DMRT1: variants seen among roughly 807,000 people sequenced by gnomAD.
DMRT1 encodes doublesex and mab-3 related transcription factor 1, also known as doublesex- and mab-3-related transcription factor 1.
In DMRT1, 7 loss-of-function variants were observed where a neutral mutation model predicts 32.3. The observed-to-expected ratio is 0.22, with a 90% confidence interval of 0.12 to 0.41. The LOEUF is 0.41. Ranked by LOEUF, DMRT1 falls within the 10% of genes least tolerant of loss-of-function variation. DMRT1 has a pLI of 1.00. For synonymous variants in DMRT1, 278 were observed against 206.1 expected (o/e 1.35, Z -2.99); for missense variants, 625 against 500.5 (o/e 1.25, Z -2.37).
chr9:887,134 T>C (rs959922791), intron 2 of DMRT1, among the ~76,000 whole-genome samples: 1 of 152,148 alleles, frequency 6.6e-6, no homozygotes, highest in African/African-American at 2.4e-5. Context: ...GAGGTTGCAG[T>C]GAGCCGAGAT....
intron 4 of DMRT1, among the ~76,000 whole-genome samples, chr9:958,368 G>A (rs1032968544): frequency 6.6e-6 from 1 of 152,140 alleles, no homozygotes; most frequent in Non-Finnish European, 1.5e-5. Flanking sequence ...CAAAGTGTCA[G>A]AATATTTTTA....
intron 2 of DMRT1, among the ~76,000 whole-genome samples, chr9:862,328 C>A (rs1255270355): frequency 6.6e-6 from 1 of 152,140 alleles, no homozygotes; most frequent in African/African-American, 2.4e-5. Context: ...GGCGAAACCC[C>A]GTCTCCACCG....
chr9:944,723 A>C (rs1819185738), intron 4 of DMRT1, among the ~76,000 whole-genome samples: 1 of 152,156 alleles, frequency 6.6e-6, no homozygotes, highest in Non-Finnish European at 1.5e-5. Flanking sequence ...GAAGTGCTTT[A>C]AGTTGTGTTT....
At chr9:964,156 G>T (rs931803376) in intron 4 of DMRT1, among the ~76,000 whole-genome samples, 4 of 151,894 alleles carry the variant, frequency 2.6e-5, no homozygotes, top group Admixed American at 1.3e-4. Flanking sequence ...AAAGTCAGGG[G>T]TCTTTGCAAT....
chr9:950,776 T>C (rs1459212188), intron 4 of DMRT1, among the ~76,000 whole-genome samples: 2 of 152,182 alleles, frequency 1.3e-5, no homozygotes, highest in Admixed American at 1.3e-4. Flanking sequence ...ATCTCACTCC[T>C]GCAGTTCAAG....
chr9:968,079 T>C lies in DMRT1; in HGVS notation c.1062T>C (p.Cys354=). 1 of 1,614,178 alleles carries C rather than the reference T, an allele frequency of 6.2e-7. No individual in the cohort carries two copies. The highest frequency in any genetic ancestry group is 1.1e-5 in the South Asian group (1 of 91,082). The part of the protein sequence containing the change: ...SNKSTKAVLE[C]EPASEPSSFT... ...AGAGCACAAAGGCAGTGCTTGAATG[T>C]GAGCCTGCGTCGGAGCCCAGCAGCT... Residue 354 remains cysteine (C), a synonymous_variant, in exon 5 of 5, where the codon TGT becomes TGC. Transcript: ENST00000382276.
chr9:894,819 TG>T (rs1817292284), intron 3 of DMRT1: 1 of 160,626 alleles, frequency 6.2e-6, no homozygotes, highest in South Asian at 1.8e-4. Flanking sequence ...TTGTTTGTTT[TG>T]GTTTGGTTTT....
intron 2 of DMRT1, among the ~76,000 whole-genome samples, chr9:849,122 A>C (rs1169325116): frequency 6.6e-6 from 1 of 151,858 alleles, no homozygotes; most frequent in Non-Finnish European, 1.5e-5. Flanking sequence ...TCATTTACAG[A>C]TAGGAAAACC....
At position 844,847 on chromosome 9, in the gene DMRT1, A is replaced by G. The variant is rs372567004; in HGVS notation, c.355-2113A>G. 6.6e-5 allele frequency among the ~76,000 whole-genome samples: 10 copies of G among 151,132 alleles called. 1 individual carries two copies. The East Asian group carries it at 7.9e-4, about 12-fold the overall frequency. On this transcript the variant is annotated intron_variant, in intron 1 of 4. Coordinates refer to ENST00000382276, the MANE Select transcript of DMRT1 (RefSeq NM_021951.3). ...GCGATTCTTCTGCCTCGGCCTCCCG[A>G]GTAGCTGGGACTACAGGCACACGCC... is the stretch of plus-strand genomic sequence containing the variant.
At chr9:926,869 A>G (rs1818542934) in intron 4 of DMRT1, among the ~76,000 whole-genome samples, 1 of 152,228 alleles carries the variant, frequency 6.6e-6, no homozygotes, top group African/African-American at 2.4e-5. Flanking sequence ...CTGCCTGCTC[A>G]GTAGAGGGAC....
At chr9:933,100 A>G (rs1428372842) in intron 4 of DMRT1, among the ~76,000 whole-genome samples, 3 of 152,030 alleles carry the variant, frequency 2.0e-5, no homozygotes, top group East Asian at 1.9e-4. Context: ...TTTAGTAGAG[A>G]TGGGGTTTCA....
At chr9:852,720 C>T (rs1815207836) in intron 2 of DMRT1, among the ~76,000 whole-genome samples, 2 of 152,216 alleles carry the variant, frequency 1.3e-5, no homozygotes, top group Non-Finnish European at 2.9e-5. Context: ...TCCATCCACA[C>T]TCACATTCAC....
chr9:859,435 G>C (rs1002741139), intron 2 of DMRT1, among the ~76,000 whole-genome samples: 1 of 152,064 alleles, frequency 6.6e-6, no homozygotes, highest in Non-Finnish European at 1.5e-5. Flanking sequence ...GGTGCCTGTG[G>C]GTCCCCTGGG....
chr9:959,653 G>C lies in DMRT1; in HGVS notation c.968-8332G>C, dbSNP rs376956856. Among the ~76,000 whole-genome samples the C allele has an allele frequency of 3.3e-5, 5 of 151,974 alleles. No individual in the cohort carries two copies. The South Asian group carries it at 8.3e-4, about 25-fold the overall frequency. ...AGCGATTCTCCTGCCTCAGCCTCCC[G>C]AGTAGCTGGGATTACAGGCATGTGC... On this transcript the variant is annotated intron_variant, in intron 4 of 4. Transcript: ENST00000382276.
At chr9:910,337 G>T (rs923387832) in intron 3 of DMRT1, among the ~76,000 whole-genome samples, 1 of 151,350 alleles carries the variant, frequency 6.6e-6, no homozygotes, top group African/African-American at 2.4e-5. Context: ...AAAAAAGACT[G>T]TTCCCCTTTG....
intron 4 of DMRT1, among the ~76,000 whole-genome samples, chr9:966,037 G>T (rs944310783): frequency 6.6e-6 from 1 of 152,110 alleles, no homozygotes; most frequent in Non-Finnish European, 1.5e-5. Flanking sequence ...ATTAACGCAC[G>T]GACTCCAGGA....
intron 2 of DMRT1, among the ~76,000 whole-genome samples, chr9:867,483 G>T (rs182005906): frequency 1.2e-4 from 19 of 152,332 alleles, no homozygotes; most frequent in Admixed American, 1.0e-3. Flanking sequence ...CTCATTTACC[G>T]AGTGTCTGCC....
At chr9:954,591 G>T (rs1448581328) in intron 4 of DMRT1, among the ~76,000 whole-genome samples, 1 of 151,644 alleles carries the variant, frequency 6.6e-6, no homozygotes, top group Non-Finnish European at 1.5e-5. Flanking sequence ...AGGAGAAGTT[G>T]GTAGGTTCAG....
chr9:895,739 A>G (rs1817329514), intron 3 of DMRT1, among the ~76,000 whole-genome samples: 1 of 151,086 alleles, frequency 6.6e-6, no homozygotes. Flanking sequence ...ACAGTATATT[A>G]TTAAGTACAG....
Sources: gnomAD v4.1 joint callset for allele counts (sites outside exome capture counted in the v4.1 genomes callset) on GRCh38, gnomAD v4.1.1 for gene constraint, MANE v1.5 for transcripts, NCBI Gene and HGNC (gene_info 2026-07-23, HGNC 2026-07-21) for gene names.